ERI1: variants seen among roughly 807,000 people sequenced by gnomAD.
The protein encoded by ERI1 is 3'-5' exoribonuclease 1.
Under a neutral mutation model 39.7 loss-of-function variants are expected in ERI1, and 39 were observed. The observed-to-expected ratio is 0.98, with a 90% CI of 0.76 to 1.28. ERI1 has a LOEUF of 1.28. Among genes scored for constraint, ERI1 ranks in the 50% most tolerant of loss-of-function variants. The pLI, the probability that ERI1 is intolerant of heterozygous loss-of-function variation, is 0.00. For missense variants in ERI1, 581 were observed against 416.9 expected (o/e 1.39, Z -3.43); for synonymous variants, 204 against 149.6 (o/e 1.36, Z -2.65).
At chr8:9,018,514 A>C (rs1817540151) in intron 5 of ERI1, 108 bp downstream of exon 5, 1 of 632,810 alleles carries the variant, frequency 1.6e-6, no homozygotes. Context: ...GAGACCCTAG[A>C]GTCTCACCCC....
chr8:9,077,149 T>C (rs1347741700), intron 3 of ERI1, among the ~76,000 whole-genome samples: 1 of 152,240 alleles, frequency 6.6e-6, no homozygotes, highest in Non-Finnish European at 1.5e-5. Flanking sequence ...CAAAGCTTTC[T>C]GTGGTTTTAC....
intron 3 of ERI1, among the ~76,000 whole-genome samples, chr8:9,045,360 G>A (rs982448331): frequency 3.3e-5 from 5 of 151,774 alleles, no homozygotes; most frequent in East Asian, 1.9e-4. Flanking sequence ...TCCCACTTAC[G>A]TATACTTGCA....
At chr8:9,020,490 C>T (rs202037853) in intron 6 of ERI1, 26 bp downstream of exon 6, 73 of 1,367,750 alleles carry the variant, frequency 5.3e-5, no homozygotes, top group Middle Eastern at 1.9e-4. Flanking sequence ...TTAATAATTA[C>T]GTGGTTCTTA....
At chr8:9,037,891 T>A (rs2921381), downstream of ERI1, among the ~76,000 whole-genome samples, 57,083 of 145,674 alleles carry the variant, frequency 0.39, 13,275 homozygotes, top group East Asian at 0.68. Flanking sequence ...ATTGCTGATT[T>A]AAAAAAAAAA....
At chr8:9,069,751 T>G (rs1351139180) in intron 3 of ERI1, among the ~76,000 whole-genome samples, 1 of 151,598 alleles carries the variant, frequency 6.6e-6, no homozygotes. Flanking sequence ...AATAAATAGG[T>G]AAATAAAAAA....
chr8:9,054,737 C>T (rs1009065450), intron 3 of ERI1, among the ~76,000 whole-genome samples: 7 of 152,186 alleles, frequency 4.6e-5, no homozygotes, highest in Non-Finnish European at 1.0e-4. Context: ...TCAGGCTGGC[C>T]AACATGACAA....
At chr8:9,079,979 G>A (rs919108701) in intron 3 of ERI1, among the ~76,000 whole-genome samples, 1 of 135,968 alleles carries the variant, frequency 7.4e-6, no homozygotes, top group African/African-American at 3.0e-5. Flanking sequence ...CCCACAAGCA[G>A]GTTTTTAAAG....
At chr8:9,009,759 C>G (rs1040051859) in intron 2 of ERI1, among the ~76,000 whole-genome samples, 1 of 152,086 alleles carries the variant, frequency 6.6e-6, no homozygotes, top group African/African-American at 2.4e-5. Context: ...AGGCTGGTCT[C>G]GAGCTCCAGC....
chr8:9,024,730 A>T (rs1329940017), intron 6 of ERI1, among the ~76,000 whole-genome samples: 1 of 151,986 alleles, frequency 6.6e-6, no homozygotes, highest in Non-Finnish European at 1.5e-5. Flanking sequence ...CAGCCTCTTT[A>T]TGTTTTTATA....
intron 3 of ERI1, among the ~76,000 whole-genome samples, chr8:9,047,306 C>T (rs1454300833): frequency 6.6e-6 from 1 of 152,172 alleles, no homozygotes; most frequent in Non-Finnish European, 1.5e-5. Flanking sequence ...TGGCTTACTC[C>T]ACTAATTAGC....
At chr8:9,020,217 TTAA>T (rs1200274987) in intron 5 of ERI1, 130 bp from the exon 6 acceptor site, 1 of 496,812 alleles carries the variant, frequency 2.0e-6, no homozygotes, top group Admixed American at 4.0e-5. Context: ...GGAAGCAAGG[TTAA>T]TTTTCTCAGC....
rs1244897141 is a variant in ERI1 at position 9,032,168 on chromosome 8, CTT to C, written c.*2137_*2138del. On this transcript the variant is annotated 3_prime_UTR_variant, in exon 7 of 7. Coordinates refer to ENST00000250263, the MANE Select transcript of ERI1 (RefSeq NM_153332.4). ...TTGAGAGTACTGCTTTTTACTCTGA[CTT>C]TTATTGTGTTGTCTTTGAAAGACAA... 6.6e-6 allele frequency: 1 copy of C among 152,170 alleles called. No individual in the cohort carries two copies. Among genetic ancestry groups the C allele is most frequent in the Non-Finnish European group, 1.5e-5 (1 of 68,042 alleles). 9.4% of individuals were successfully genotyped at this position (152,170 alleles called of 1,614,324 possible).
chr8:9,028,663 G>T (rs543594759), intron 6 of ERI1, among the ~76,000 whole-genome samples: 1 of 152,104 alleles, frequency 6.6e-6, no homozygotes, highest in Non-Finnish European at 1.5e-5. Context: ...TCACTCTGAC[G>T]CCCAGGCTGG....
At chr8:9,050,034 T>G (rs183309452) in intron 3 of ERI1, among the ~76,000 whole-genome samples, 7 of 152,146 alleles carry the variant, frequency 4.6e-5, no homozygotes, top group African/African-American at 1.7e-4. Context: ...CCTTGGTAAA[T>G]TAACCTGTTT....
downstream of ERI1, among the ~76,000 whole-genome samples, chr8:9,036,380 T>G (rs1487772088): frequency 6.6e-6 from 1 of 152,226 alleles, no homozygotes; most frequent in African/African-American, 2.4e-5. Flanking sequence ...GATCACTCAG[T>G]AGCCCTCAAC....
At chr8:9,066,004 TTC>T (rs1329729791) in intron 3 of ERI1, among the ~76,000 whole-genome samples, 3 of 152,132 alleles carry the variant, frequency 2.0e-5, no homozygotes, top group East Asian at 1.9e-4. Flanking sequence ...CGCCTTTTTT[TTC>T]TTTGACTTTT....
intron 2 of ERI1, among the ~76,000 whole-genome samples, chr8:9,011,310 T>G (rs2117200485): frequency 6.6e-6 from 1 of 152,314 alleles, no homozygotes; most frequent in African/African-American, 2.4e-5. Context: ...TATATACTAC[T>G]AAAATAAAAA....
intron 3 of ERI1, among the ~76,000 whole-genome samples, chr8:9,047,220 C>T (rs1203460417): frequency 6.6e-6 from 1 of 152,188 alleles, no homozygotes; most frequent in Non-Finnish European, 1.5e-5. Context: ...AAAAATCAAA[C>T]AGAGACATTC....
rs115814228 is a variant in ERI1, at chr8:9,067,809, C to G, written n.299+47345C>G. ...ACAGCTAGTCTGAGCAGAACTGGGA[C>G]AGGTCCCCAAGTCAACAAACTCCTG... On this transcript the variant is annotated intron_variant and non_coding_transcript_variant, in intron 3 of 3. Coordinates refer to the ERI1 transcript ENST00000518663. Among the ~76,000 whole-genome samples the G allele has an allele frequency of 7.9e-3, 1,197 of 151,844 alleles. 13 individuals are homozygous for G. Among genetic ancestry groups the G allele is most frequent in the African/African-American group, 0.028 (1,159 of 41,532 alleles).
Sources: allele counts gnomAD v4.1 joint callset (sites outside exome capture counted in the v4.1 genomes callset), GRCh38; gene constraint gnomAD v4.1.1; transcripts MANE v1.5; gene names NCBI Gene and HGNC (gene_info 2026-07-23, HGNC 2026-07-21).